The following RANBP2 variants were observed in gnomAD, a reference collection of about 807,000 sequenced individuals.
RANBP2 encodes E3 SUMO-protein ligase RanBP2.
RANBP2 carries 57 observed loss-of-function variants against 303.6 expected under a neutral mutation model. The ratio of observed to expected loss-of-function variants is 0.19; its 90% confidence interval spans 0.15 to 0.23. The LOEUF is 0.23. Ranked by LOEUF, RANBP2 falls within the 10% of genes least tolerant of loss-of-function variation. The probability of loss-of-function intolerance (pLI) is 1.00; values close to 1 mark genes in which losing one functional copy is unlikely to be tolerated. For synonymous variants in RANBP2, 1,167 were observed against 1,301.5 expected (o/e 0.90, Z 2.23); for missense variants, 3,138 against 3,780.8 (o/e 0.83, Z 4.46).
the RANBP2 span, among the ~76,000 whole-genome samples, chr2:109,035,022 A>C: frequency 4.6e-4 from 70 of 152,328 alleles, 2 homozygotes; most frequent in Middle Eastern, 6.8e-3. Context: ...CAGAGGACCC[A>C]GTGCTGGAGA....
chr2:109,143,315 G>A, the RANBP2 span, among the ~76,000 whole-genome samples: 1 of 152,228 alleles, frequency 6.6e-6, no homozygotes, highest in African/African-American at 2.4e-5. Flanking sequence ...CCATAGTTTG[G>A]ATAAAAAATG....
At chr2:109,254,690 G>T in the RANBP2 span, among the ~76,000 whole-genome samples, 1 of 152,152 alleles carries the variant, frequency 6.6e-6, no homozygotes, top group South Asian at 2.1e-4. Flanking sequence ...CCCTAATGTT[G>T]GTGTGTGGTT....
the RANBP2 span, among the ~76,000 whole-genome samples, chr2:109,133,012 A>G: frequency 6.6e-6 from 1 of 152,250 alleles, no homozygotes; most frequent in Non-Finnish European, 1.5e-5. Flanking sequence ...CATCTTCTGC[A>G]GTTCATGTAG....
the RANBP2 span, among the ~76,000 whole-genome samples, chr2:109,715,677 G>A: frequency 6.6e-6 from 1 of 152,020 alleles, no homozygotes; most frequent in African/African-American, 2.4e-5. Flanking sequence ...TAGATCACTG[G>A]CCATTGGGGG....
chr2:108,746,924 A>T (rs1696563642), intron 8 of RANBP2, 126 bp downstream of exon 8: 2 of 1,141,486 alleles, frequency 1.8e-6, no homozygotes. Flanking sequence ...TTGCCGTATC[A>T]GTTAAGAGCA....
At chr2:109,682,767 C>G in the RANBP2 span, among the ~76,000 whole-genome samples, 1 of 152,090 alleles carries the variant, frequency 6.6e-6, no homozygotes, top group African/African-American at 2.4e-5. Flanking sequence ...TGGCAGCTCC[C>G]ATCTCTATTA....
At chr2:109,285,313 G>A in the RANBP2 span, among the ~76,000 whole-genome samples, 16 of 152,360 alleles carry the variant, frequency 1.1e-4, no homozygotes, top group East Asian at 2.9e-3. Context: ...GGAAGCTGCT[G>A]AAATACAGGT....
At chr2:109,470,178 C>T in the RANBP2 span, among the ~76,000 whole-genome samples, 1 of 152,142 alleles carries the variant, frequency 6.6e-6, no homozygotes, top group African/African-American at 2.4e-5. Flanking sequence ...GTCTCCTCAC[C>T]AAAGGCTCCT....
the RANBP2 span, chr2:109,129,583 G>A: frequency 0.22 from 322,253 of 1,481,992 alleles, 37,537 homozygotes; most frequent in Middle Eastern, 0.31. Context: ...CAAGGCGGCC[G>A]CCGCTGCTGC....
In RANBP2 at chr2:108,765,248, A is replaced by G; in HGVS notation, c.4709A>G (p.Asp1570Gly). 6.2e-7 allele frequency: 1 copy of G among 1,613,894 alleles called. No homozygotes were observed. The change falls in exon 20 of 29, where the codon GAT becomes GGT. Residue 1570 changes from aspartate to glycine, a missense_variant. Physicochemically the swap from Asp to Gly is moderately conservative, Grantham distance 94. Around this residue, in one of 20 missense-constraint regions of RANBP2, gnomAD observed 388 missense variants for 328.5 expected, o/e 1.18. Transcript: ENST00000283195. ...AGATGTGTTGCTTGTCAGAATCCGG[A>G]TAAACCAAGTCCATCTACTTCTGTT... ...ATRCVACQNP[D>G]KPSPSTSVPA...
chr2:109,448,378 A>G, the RANBP2 span, among the ~76,000 whole-genome samples: 2 of 152,226 alleles, frequency 1.3e-5, no homozygotes, highest in African/African-American at 2.4e-5. Flanking sequence ...ATGGTCTGTT[A>G]GGAACTGGGC....
At chr2:109,525,417 G>A in the RANBP2 span, among the ~76,000 whole-genome samples, 2 of 152,126 alleles carry the variant, frequency 1.3e-5, no homozygotes, top group African/African-American at 4.8e-5. Flanking sequence ...GCCCACCTTG[G>A]CCTCCCAAAG....
downstream of RANBP2, among the ~76,000 whole-genome samples, chr2:108,789,545 G>A (rs1679551518): frequency 6.6e-6 from 1 of 152,204 alleles, no homozygotes; most frequent in Non-Finnish European, 1.5e-5. Flanking sequence ...AGTGAGCTAA[G>A]ATTGTGCCAT....
chr2:109,013,469 T>TATTC, the RANBP2 span, among the ~76,000 whole-genome samples: 1 of 152,184 alleles, frequency 6.6e-6, no homozygotes, highest in Non-Finnish European at 1.5e-5. Context: ...GACAACTGAA[T>TATTC]AAAGTACAAA....
At chr2:109,529,555 A>G in the RANBP2 span, among the ~76,000 whole-genome samples, 2 of 152,338 alleles carry the variant, frequency 1.3e-5, no homozygotes, top group East Asian at 3.9e-4. Flanking sequence ...CTGAGGAGCC[A>G]AGGACACGTG....
chr2:109,100,594 C>T, the RANBP2 span, among the ~76,000 whole-genome samples: 28 of 152,166 alleles, frequency 1.8e-4, no homozygotes, highest in African/African-American at 5.1e-4. Flanking sequence ...CCAAAGGTGA[C>T]GGTAGTGGAC....
At chr2:109,711,939 C>T in the RANBP2 span, among the ~76,000 whole-genome samples, 1 of 152,322 alleles carries the variant, frequency 6.6e-6, no homozygotes, top group Non-Finnish European at 1.5e-5. Flanking sequence ...CCACTCACCA[C>T]TAGGCCATGT....
At chr2:109,191,329 C>T in the RANBP2 span, among the ~76,000 whole-genome samples, 1 of 152,218 alleles carries the variant, frequency 6.6e-6, no homozygotes, top group African/African-American at 2.4e-5. Flanking sequence ...TCATTAGGAG[C>T]TCCGTGAGGA....
the RANBP2 span, among the ~76,000 whole-genome samples, chr2:109,656,378 C>A: frequency 6.6e-6 from 1 of 152,284 alleles, no homozygotes; most frequent in African/African-American, 2.4e-5. Context: ...TGCTTTGTCA[C>A]CCAGGCTGGA....
Sources: allele counts gnomAD v4.1 joint callset (sites outside exome capture counted in the v4.1 genomes callset), GRCh38; gene constraint gnomAD v4.1.1; regional missense constraint gnomAD v4.1.1; transcripts MANE v1.5; gene names NCBI Gene and HGNC (gene_info 2026-07-23, HGNC 2026-07-21).